THADA: variants seen among roughly 807,000 people sequenced by gnomAD.
THADA encodes THADA armadillo repeat containing, also known as tRNA (32-2'-O)-methyltransferase regulator THADA.
THADA carries 213 observed loss-of-function variants against 219.8 expected under a neutral mutation model. The ratio of observed to expected loss-of-function variants is 0.97; its 90% CI spans 0.87 to 1.09. The LOEUF (loss-of-function observed/expected upper bound fraction) is 1.09, where lower values mean the gene tolerates loss of function less well. Ranked by LOEUF, THADA falls within the 50% of genes least tolerant of loss-of-function variation. The probability of loss-of-function intolerance (pLI) is 0.00; values close to 1 mark genes in which losing one functional copy is unlikely to be tolerated. For missense variants in THADA, 2,956 were observed against 2,311.3 expected (o/e 1.28, Z -5.72); for synonymous variants, 1,018 against 828.9 (o/e 1.23, Z -3.92).
At chr2:43,565,722 C>CCA (rs1382776261) in intron 15 of THADA, 1 of 152,214 alleles carries the variant, frequency 6.6e-6, no homozygotes, top group Non-Finnish European at 1.5e-5. Flanking sequence ...TCCTGTTTGA[C>CCA]CACAGTCAAC....
At chr2:43,536,354 T>C (rs1433651386) in intron 21 of THADA, among the ~76,000 whole-genome samples, 1 of 152,206 alleles carries the variant, frequency 6.6e-6, no homozygotes, top group African/African-American at 2.4e-5. Context: ...TACAGGTTTG[T>C]AGTATATTTT....
At chr2:43,549,176 AC>A (rs1696450309) in intron 20 of THADA, 33 bp downstream of exon 20, 1 of 1,497,064 alleles carries the variant, frequency 6.7e-7, no homozygotes, top group Non-Finnish European at 8.9e-7. Flanking sequence ...GGTTACTTAA[AC>A]ATGAATTACA....
chr2:43,458,494 C>T (rs1013648843), intron 26 of THADA, among the ~76,000 whole-genome samples: 10 of 152,184 alleles, frequency 6.6e-5, no homozygotes, highest in Non-Finnish European at 1.3e-4. Flanking sequence ...CACATGGTTA[C>T]CATTAGGATC....
intron 4 of THADA, among the ~76,000 whole-genome samples, chr2:43,589,408 T>A (rs1212723557): frequency 6.6e-6 from 1 of 152,278 alleles, no homozygotes; most frequent in Non-Finnish European, 1.5e-5. Flanking sequence ...ATATGAGGTA[T>A]CTAAAGTAAT....
chr2:43,511,229 G>A (rs1034344065), intron 22 of THADA, among the ~76,000 whole-genome samples: 7 of 152,102 alleles, frequency 4.6e-5, no homozygotes, highest in East Asian at 1.9e-4. Context: ...GGGGAAGAAC[G>A]AACTGCAGGA....
intron 28 of THADA, among the ~76,000 whole-genome samples, chr2:43,427,726 G>A (rs1678651121): frequency 6.7e-6 from 1 of 149,660 alleles, no homozygotes; most frequent in African/African-American, 2.4e-5. Flanking sequence ...GGAGAATGAG[G>A]TGGGCGGATC....
intron 36 of THADA, among the ~76,000 whole-genome samples, chr2:43,274,914 C>T (rs376382722): frequency 5.3e-5 from 8 of 152,114 alleles, no homozygotes; most frequent in East Asian, 3.9e-4. Flanking sequence ...AAATCTGGCA[C>T]GCCTTAAAAT....
chr2:43,523,092 G>A (rs552633969), intron 22 of THADA, among the ~76,000 whole-genome samples: 35 of 152,166 alleles, frequency 2.3e-4, no homozygotes, highest in South Asian at 4.1e-4. Flanking sequence ...TAGGCTGGGC[G>A]CGGTGGCTCA....
chr2:43,285,031 T>C (rs1033145315), intron 35 of THADA, among the ~76,000 whole-genome samples: 1 of 152,202 alleles, frequency 6.6e-6, no homozygotes, highest in African/African-American at 2.4e-5. Flanking sequence ...TGTACCCCCA[T>C]TGTATCTTGG....
chr2:43,302,856 A>T (rs1387360376), intron 31 of THADA, among the ~76,000 whole-genome samples: 2 of 152,190 alleles, frequency 1.3e-5, no homozygotes, highest in Non-Finnish European at 2.9e-5. Context: ...GTTTGAAGCT[A>T]CAGTGTGCTA....
rs1433027429 is a variant in THADA at position 43,577,025 on chromosome 2, G to A, written c.1034C>T (p.Ser345Leu). The change falls in exon 10 of 38, where the codon TCA (serine) becomes TTA (leucine). Residue 345 changes from serine (S) to leucine (L), a missense_variant. Coordinates refer to ENST00000405975, the MANE Select transcript of THADA (RefSeq NM_022065.5). ...AGACGATAGCATCAAAACTCACTGT[G>A]AACTCAAGGTGAACAAAACATGTGC... The part of the protein sequence containing the change: ...DTAHVLFTLS[S>L]QIKEPTLEMF... The A allele has an allele frequency of 6.2e-7, 1 of 1,611,748 alleles. No homozygotes were observed. Among genetic ancestry groups the A allele is most frequent in the Non-Finnish European group, 8.5e-7 (1 of 1,178,848 alleles).
intron 29 of THADA, among the ~76,000 whole-genome samples, chr2:43,376,932 G>A (rs913288057): frequency 6.6e-6 from 1 of 152,190 alleles, no homozygotes; most frequent in South Asian, 2.1e-4. Context: ...TAAGTGGTGA[G>A]TAAGGCACGG....
chr2:43,547,762 T>C (rs2103856995), intron 20 of THADA, among the ~76,000 whole-genome samples: 1 of 152,274 alleles, frequency 6.6e-6, no homozygotes, highest in South Asian at 2.1e-4. Flanking sequence ...TAGTTATACA[T>C]TTGTCTAAAT....
At chr2:43,262,148 T>C (rs1671033508) in intron 36 of THADA, among the ~76,000 whole-genome samples, 1 of 152,222 alleles carries the variant, frequency 6.6e-6, no homozygotes, top group Non-Finnish European at 1.5e-5. Context: ...AAGCGAACTC[T>C]AGGTAATGTG....
In THADA at chr2:43,574,911, T is replaced by C. The variant is rs546364711; in HGVS notation, c.1154A>G (p.Asn385Ser). 4.7e-5 allele frequency: 76 copies of C among 1,614,022 alleles called. No homozygotes were observed. The South Asian group carries it at 7.9e-4, about 17-fold the overall frequency. The change falls in exon 11 of 38, where the codon AAT (asparagine) becomes AGT (serine). Residue 385 changes from asparagine to serine, a missense_variant. Physicochemically the swap from Asn to Ser is conservative, Grantham distance 46. Transcript: ENST00000405975. ...CAAAAGTCTCCCAACTATACTTGAATTCCCATTCAGGCTGTCCGTTAGGCT... is the reference window on the plus strand; with the variant it reads ...CAAAAGTCTCCCAACTATACTTGAACTCCCATTCAGGCTGTCCGTTAGGCT... ...SPSLTDSLNGNSSIVGRLLEY... is the reference protein window; with the variant it reads ...SPSLTDSLNGSSSIVGRLLEY...
chr2:43,538,071 T>A (rs1225963415), intron 21 of THADA, among the ~76,000 whole-genome samples: 1 of 152,190 alleles, frequency 6.6e-6, no homozygotes, highest in African/African-American at 2.4e-5. Context: ...AAAATCTACC[T>A]AGTAGTTTCT....
At chr2:43,438,019 T>G (rs1270756928) in intron 26 of THADA, among the ~76,000 whole-genome samples, 1 of 151,974 alleles carries the variant, frequency 6.6e-6, no homozygotes, top group Non-Finnish European at 1.5e-5. Context: ...TACCAAGGGA[T>G]GGCCAGGCGC....
intron 16 of THADA, 98 bp from the exon 17 acceptor site, chr2:43,556,653 G>T (rs573217743): frequency 1.9e-4 from 219 of 1,147,020 alleles, no homozygotes; most frequent in Non-Finnish European, 2.5e-4. Context: ...GCTGAGTACA[G>T]TGGGCTCGAG....
rs554020680 is a variant in THADA, at chr2:43,352,997, C to A, written c.4228-8760G>T. 3.3e-5 allele frequency among the ~76,000 whole-genome samples: 5 copies of A among 152,234 alleles called. No individual in the cohort carries two copies. In the East Asian group the frequency reaches 9.6e-4, roughly 29 times the overall value. ...GATTCCACATATAATTAAGATCATG[C>A]GACACTTTTCTGTGTCTGGCTTATT... On this transcript the variant is annotated intron_variant, in intron 29 of 37. Transcript: ENST00000405975.
Sources: gnomAD v4.1 joint callset for allele counts (sites outside exome capture counted in the v4.1 genomes callset) on GRCh38, gnomAD v4.1.1 for gene constraint, MANE v1.5 for transcripts, NCBI Gene and HGNC (gene_info 2026-07-23, HGNC 2026-07-21) for gene names.